Variants in MPP7 observed in about 807,000 individuals in gnomAD.
MPP7 encodes MAGUK p55 subfamily member 7.
MPP7 carries 60 observed loss-of-function variants against 76.5 expected under a neutral mutation model. The observed-to-expected ratio is 0.78, with a 90% CI of 0.64 to 0.97. MPP7 has a LOEUF of 0.97. Ranked by LOEUF, MPP7 falls within the 50% of genes least tolerant of loss-of-function variation. The pLI is 0.00. For synonymous variants in MPP7, 237 were observed against 244.5 expected, an observed-to-expected ratio of 0.97 and a Z score of 0.29; for missense variants, 641 against 694.0, an observed-to-expected ratio of 0.92 and a Z score of 0.86.
chr10:28,135,183 G>A lies in MPP7; in HGVS notation c.316-3492C>T, dbSNP rs182707317. The stretch of plus-strand genomic sequence containing the variant: ...GAAAAAGAAACACAGGCAAAACTCA[G>A]TCGTCTCCTTGAGTTGGGAAAACAG... On this transcript the variant is annotated intron_variant, in intron 5 of 16. Coordinates refer to ENST00000683449, the MANE Select transcript of MPP7 (RefSeq NM_001318170.2). Among the ~76,000 whole-genome samples, 33 of 152,214 alleles carry A rather than the reference G, an allele frequency of 2.2e-4. No homozygotes were observed. The East Asian group carries it at 4.7e-3, about 21-fold the overall frequency.
intron 11 of MPP7, chr10:28,119,125 C>T: frequency 1.1e-6 from 1 of 922,860 alleles, no homozygotes; most frequent in Non-Finnish European, 1.3e-6. Context: ...CGGTAGCCAT[C>T]CTTTGTCTTT....
At chr10:28,077,207 G>A (rs1852536061) in intron 12 of MPP7, among the ~76,000 whole-genome samples, 1 of 151,960 alleles carries the variant, frequency 6.6e-6, no homozygotes, top group African/African-American at 2.4e-5. Flanking sequence ...TTTGGGCCTA[G>A]GTAATATGCT....
At position 28,052,850 on chromosome 10, in the gene MPP7, A is replaced by G. The variant is rs1851411032; in HGVS notation, c.*1215T>C. On this transcript the variant is annotated 3_prime_UTR_variant, in exon 17 of 17. Coordinates refer to ENST00000683449, the MANE Select transcript of MPP7 (RefSeq NM_001318170.2). ...GACGGGCAGGGCTTCACTGCATGCAAGAACGGCAGGATATGCTCTCTTATA... is the reference window on the plus strand; with the variant it reads ...GACGGGCAGGGCTTCACTGCATGCAGGAACGGCAGGATATGCTCTCTTATA... 6.6e-6 allele frequency: 1 copy of G among 152,158 alleles called. No homozygotes were observed. Among genetic ancestry groups the G allele is most frequent in the Non-Finnish European group, 1.5e-5 (1 of 68,022 alleles). 9.4% of individuals were successfully genotyped at this position (152,158 alleles called of 1,614,324 possible).
chr10:28,273,217 C>T (rs531762212), intron 1 of MPP7, among the ~76,000 whole-genome samples: 64 of 152,282 alleles, frequency 4.2e-4, no homozygotes, highest in African/African-American at 1.4e-3. Flanking sequence ...CACACCCAGC[C>T]CCAAAATGTT....
chr10:28,216,403 T>C (rs750666088), intron 2 of MPP7, among the ~76,000 whole-genome samples: 14 of 152,206 alleles, frequency 9.2e-5, no homozygotes, highest in Non-Finnish European at 1.9e-4. Context: ...GTGATATCAA[T>C]AGTATGTATC....
At chr10:28,056,968 C>T (rs527364930) in intron 15 of MPP7, among the ~76,000 whole-genome samples, 2 of 152,266 alleles carry the variant, frequency 1.3e-5, no homozygotes, top group South Asian at 4.1e-4. Flanking sequence ...CCCTTTTAAG[C>T]CCCTTTCTGA....
chr10:28,215,844 A>T (rs892178092), intron 2 of MPP7, among the ~76,000 whole-genome samples: 6 of 152,180 alleles, frequency 3.9e-5, no homozygotes, highest in Non-Finnish European at 7.3e-5. Context: ...CAACTTATGT[A>T]AGCATCTTTT....
chr10:28,162,666 T>C (rs1015411849), intron 3 of MPP7, among the ~76,000 whole-genome samples: 8 of 152,100 alleles, frequency 5.3e-5, no homozygotes, highest in African/African-American at 1.9e-4. Flanking sequence ...TCCCAAAGAT[T>C]CTCCTTCTCA....
intron 1 of MPP7, among the ~76,000 whole-genome samples, chr10:28,268,119 G>A (rs149908910): frequency 6.6e-6 from 1 of 152,264 alleles, no homozygotes; most frequent in African/African-American, 2.4e-5. Flanking sequence ...AATGTGAGTA[G>A]AGAGGAGGCA....
At chr10:28,307,477 GC>G (rs1233631587), upstream of MPP7, 1 of 152,266 alleles carries the variant, frequency 6.6e-6, no homozygotes, top group African/African-American at 2.4e-5. Context: ...GATGAGACCA[GC>G]TTGCAGAACA....
chr10:28,140,773 G>C (rs1045733142), intron 5 of MPP7, among the ~76,000 whole-genome samples: 12 of 152,088 alleles, frequency 7.9e-5, no homozygotes, highest in Non-Finnish European at 1.8e-4. Flanking sequence ...TTGAAAGCTG[G>C]ATTAAATCAA....
intron 11 of MPP7, among the ~76,000 whole-genome samples, chr10:28,095,883 T>C (rs1853545802): frequency 6.6e-6 from 1 of 152,332 alleles, no homozygotes; most frequent in Admixed American, 6.5e-5. Context: ...ACAGGCTTTT[T>C]CCAGGGAGCT....
intron 5 of MPP7, among the ~76,000 whole-genome samples, chr10:28,133,974 G>T (rs1338078724): frequency 6.6e-6 from 1 of 151,930 alleles, no homozygotes; most frequent in Admixed American, 6.6e-5. Flanking sequence ...GGGGCATCTG[G>T]GTTGTTTTCC....
At chr10:28,095,222 T>TATATATATATATATATATATATATATAC (rs775763967) in intron 11 of MPP7, among the ~76,000 whole-genome samples, 1 of 136,670 alleles carries the variant, frequency 7.3e-6, no homozygotes, top group Non-Finnish European at 1.6e-5. Flanking sequence ...TATATATATA[T>TATATATATATATATATATATATATATAC]ACAGAAACAT....
intron 1 of MPP7, among the ~76,000 whole-genome samples, chr10:28,262,257 ATG>A (rs1230830947): frequency 0.015 from 552 of 35,636 alleles, 29 homozygotes; most frequent in African/African-American, 0.063. Context: ...ATATATATAT[ATG>A]TATATATATA....
chr10:28,150,399 T>C (rs1835845776), intron 3 of MPP7, among the ~76,000 whole-genome samples: 1 of 152,214 alleles, frequency 6.6e-6, no homozygotes, highest in Non-Finnish European at 1.5e-5. Flanking sequence ...ATCTAAAATC[T>C]ATTGCTGCAA....
chr10:28,163,941 T>C (rs1394997734), intron 3 of MPP7, among the ~76,000 whole-genome samples: 2 of 150,068 alleles, frequency 1.3e-5, no homozygotes, highest in African/African-American at 4.9e-5. Context: ...ATGAGTATTA[T>C]ATTTCTATAA....
chr10:28,317,412 C>G (rs572989447), intron 2 of MPP7, among the ~76,000 whole-genome samples: 3 of 152,102 alleles, frequency 2.0e-5, no homozygotes, highest in Non-Finnish European at 4.4e-5. Context: ...ATGCCTGTAG[C>G]CTCAACTACT....
At chr10:28,261,168 C>G (rs1168770868) in intron 1 of MPP7, among the ~76,000 whole-genome samples, 3 of 152,184 alleles carry the variant, frequency 2.0e-5, no homozygotes, top group Non-Finnish European at 4.4e-5. Flanking sequence ...GTGATGTATG[C>G]TTGTTAGCAA....
Sources: gnomAD v4.1 joint callset for allele counts (sites outside exome capture counted in the v4.1 genomes callset) on GRCh38, gnomAD v4.1.1 for gene constraint, MANE v1.5 for transcripts, NCBI Gene and HGNC (gene_info 2026-07-23, HGNC 2026-07-21) for gene names.